CTNNA2: variants seen among roughly 807,000 people sequenced by gnomAD.
The protein encoded by CTNNA2 is catenin alpha 2, also known as catenin alpha-2.
CTNNA2 carries 42 observed loss-of-function variants against 101.0 expected under a neutral mutation model. The observed-to-expected ratio is 0.42, with a 90% CI of 0.32 to 0.54. The LOEUF (loss-of-function observed/expected upper bound fraction) is 0.54. CTNNA2 is among the 20% of genes least tolerant of loss of function. The pLI is 0.14. For missense variants in CTNNA2, 871 were observed against 1,223.1 expected (o/e 0.71, Z 4.29); for synonymous variants, 450 against 456.4 (o/e 0.99, Z 0.18).
intron 2 of CTNNA2, among the ~76,000 whole-genome samples, chr2:79,664,103 G>T (rs1682229926): frequency 6.6e-6 from 1 of 152,132 alleles, no homozygotes; most frequent in African/African-American, 2.4e-5. Flanking sequence ...ACTAAGCAAT[G>T]AAATGTGTTT....
At chr2:80,296,272 AG>A (rs1675735767) in intron 7 of CTNNA2, among the ~76,000 whole-genome samples, 1 of 152,188 alleles carries the variant, frequency 6.6e-6, no homozygotes. Context: ...AAGAAGGCAC[AG>A]GCTGGTGGGT....
intron 1 of CTNNA2, among the ~76,000 whole-genome samples, chr2:79,630,770 G>C (rs1338752710): frequency 6.6e-6 from 1 of 152,156 alleles, no homozygotes; most frequent in African/African-American, 2.4e-5. Flanking sequence ...TGACGTAGGA[G>C]CCATCAATTC....
At chr2:79,923,684 A>G (rs750080121) in intron 7 of CTNNA2, among the ~76,000 whole-genome samples, 11 of 152,140 alleles carry the variant, frequency 7.2e-5, no homozygotes, top group Non-Finnish European at 1.6e-4. Flanking sequence ...GAAACGGATC[A>G]CTAAAATGAA....
intron 7 of CTNNA2, among the ~76,000 whole-genome samples, chr2:80,005,183 C>A (rs1419089771): frequency 3.3e-5 from 5 of 152,154 alleles, no homozygotes; most frequent in Admixed American, 3.3e-4. Flanking sequence ...AGCACAGACT[C>A]ATCATGTTTA....
intron 2 of CTNNA2, among the ~76,000 whole-genome samples, chr2:79,722,417 C>A (rs13012607): frequency 0.29 from 44,657 of 151,916 alleles, 6,586 homozygotes; most frequent in Middle Eastern, 0.34. Flanking sequence ...AATGTACGTT[C>A]AGTTAACATG....
intron 1 of CTNNA2, among the ~76,000 whole-genome samples, chr2:79,533,790 A>C (rs546578595): frequency 7.0e-6 from 1 of 143,082 alleles, no homozygotes; most frequent in Admixed American, 6.9e-5. Context: ...TTCTGCCATT[A>C]AACAGGCAAA....
chr2:79,931,773 A>G (rs1687460564), intron 7 of CTNNA2, among the ~76,000 whole-genome samples: 1 of 152,056 alleles, frequency 6.6e-6, no homozygotes, highest in Non-Finnish European at 1.5e-5. Flanking sequence ...CCACAAAAAT[A>G]CAAGCAGATG....
At chr2:79,677,818 A>G (rs947697952) in intron 2 of CTNNA2, among the ~76,000 whole-genome samples, 1 of 152,236 alleles carries the variant, frequency 6.6e-6, no homozygotes, top group African/African-American at 2.4e-5. Context: ...AATAATTTGT[A>G]AAAAATAAAT....
At chr2:80,310,593 A>G (rs1342606315) in intron 7 of CTNNA2, among the ~76,000 whole-genome samples, 1 of 152,204 alleles carries the variant, frequency 6.6e-6, no homozygotes, top group African/African-American at 2.4e-5. Context: ...GAGGTGCATT[A>G]GGGTTGTCTT....
intron 2 of CTNNA2, among the ~76,000 whole-genome samples, chr2:79,255,933 GAGA>G: frequency 6.6e-6 from 1 of 152,130 alleles, no homozygotes. Flanking sequence ...TGTATCAGCT[GAGA>G]AGAAAGGCTC....
chr2:79,432,339 A>G (rs1233538751), intron 4 of CTNNA2, among the ~76,000 whole-genome samples: 1 of 152,236 alleles, frequency 6.6e-6, no homozygotes, highest in East Asian at 1.9e-4. Flanking sequence ...CTAGATACCC[A>G]GAACCAGGAT....
At chr2:79,947,577 G>A (rs1165484896) in intron 7 of CTNNA2, among the ~76,000 whole-genome samples, 1 of 152,158 alleles carries the variant, frequency 6.6e-6, no homozygotes, top group Non-Finnish European at 1.5e-5. Context: ...CATTAGATTG[G>A]TTTCAAGTGT....
chr2:79,309,691 T>C lies in CTNNA2; in HGVS notation c.-405-3018T>C, dbSNP rs562339144. On this transcript the variant is annotated intron_variant, in intron 2 of 21. Transcript: ENST00000466387. ...TGGTCTAATTAGGAGATTGGCTATC[T>C]CTGGCTCCTGATTTCTCTAAAGGTC... 1.2e-4 allele frequency among the ~76,000 whole-genome samples: 19 copies of C among 152,296 alleles called. No individual in the cohort carries two copies. The South Asian group carries it at 3.9e-3, about 32-fold the overall frequency.
intron 2 of CTNNA2, among the ~76,000 whole-genome samples, chr2:79,263,384 G>A (rs1674947856): frequency 6.6e-6 from 1 of 152,054 alleles, no homozygotes; most frequent in Non-Finnish European, 1.5e-5. Context: ...CTCCCCAACT[G>A]TCTTGCTCCC....
intron 7 of CTNNA2, among the ~76,000 whole-genome samples, chr2:80,008,813 C>T (rs1693563755): frequency 6.6e-6 from 1 of 152,198 alleles, no homozygotes; most frequent in African/African-American, 2.4e-5. Context: ...CAACAAGATG[C>T]TTCGTGTGAA....
In CTNNA2 at chr2:80,033,528, G is replaced by A. The variant is rs147943033; in HGVS notation, c.1056+123731G>A. 5.0e-3 allele frequency among the ~76,000 whole-genome samples: 761 copies of A among 152,210 alleles called. 3 individuals carry two copies. Among genetic ancestry groups the A allele is most frequent in the Admixed American group, 0.011 (174 of 15,286 alleles). On this transcript the variant is annotated intron_variant, in intron 7 of 18. Transcript: ENST00000402739. ...AGGTTGAGGCTGCAGTGAGTGACCC[G>A]TGATCAGGCCACTGCACACCAGCCT...
chr2:80,484,353 G>A (rs578033827), intron 9 of CTNNA2, among the ~76,000 whole-genome samples: 1 of 152,284 alleles, frequency 6.6e-6, no homozygotes, highest in African/African-American at 2.4e-5. Flanking sequence ...CATAGTGTGT[G>A]TGCATTAGAG....
intron 2 of CTNNA2, among the ~76,000 whole-genome samples, chr2:79,727,276 A>C (rs796724037): frequency 3.3e-5 from 5 of 152,218 alleles, no homozygotes; most frequent in Non-Finnish European, 7.3e-5. Context: ...CATGAAAACC[A>C]AAGAAAGTGT....
chr2:80,217,311 A>G (rs114315461), intron 7 of CTNNA2, among the ~76,000 whole-genome samples: 149 of 152,174 alleles, frequency 9.8e-4, no homozygotes, highest in African/African-American at 3.5e-3. Context: ...ATAACTTCAT[A>G]TAACTTCATC....
Sources: gnomAD v4.1 joint callset for allele counts (sites outside exome capture counted in the v4.1 genomes callset) on GRCh38, gnomAD v4.1.1 for gene constraint, MANE v1.5 for transcripts, NCBI Gene and HGNC (gene_info 2026-07-23, HGNC 2026-07-21) for gene names.